PPARGC1A: variants seen among roughly 807,000 people sequenced by gnomAD.
PPARGC1A encodes PPARG coactivator 1 alpha.
Under a neutral mutation model 88.7 loss-of-function variants are expected in PPARGC1A, and 25 were observed. The ratio of observed to expected loss-of-function variants is 0.28; its 90% confidence interval spans 0.21 to 0.39. The LOEUF is 0.39. Ranked by LOEUF, PPARGC1A falls within the 10% of genes least tolerant of loss-of-function variation. The pLI, the probability that PPARGC1A is intolerant of heterozygous loss-of-function variation, is 1.00. For missense variants in PPARGC1A, 880 were observed against 968.7 expected (o/e 0.91, Z 1.22); for synonymous variants, 363 against 355.6 (o/e 1.02, Z -0.24).
intron 6 of PPARGC1A, 51 bp from the exon 7 acceptor site, chr4:23,824,404 G>A: frequency 4.4e-6 from 7 of 1,606,150 alleles, no homozygotes; most frequent in Non-Finnish European, 4.3e-6. Flanking sequence ...AGTTGCTGTA[G>A]CCAAATGTAT....
the PPARGC1A span, among the ~76,000 whole-genome samples, chr4:24,110,044 A>C: frequency 6.6e-6 from 1 of 152,100 alleles, no homozygotes. Context: ...TGAGCTCTCC[A>C]TCTTTTTACA....
chr4:24,387,091 T>G, the PPARGC1A span, among the ~76,000 whole-genome samples: 2 of 152,076 alleles, frequency 1.3e-5, no homozygotes, highest in Non-Finnish European at 2.9e-5. Context: ...ACGCCACACA[T>G]CTGACAAAAT....
chr4:24,280,088 A>G, the PPARGC1A span, among the ~76,000 whole-genome samples: 1 of 152,262 alleles, frequency 6.6e-6, no homozygotes, highest in South Asian at 2.1e-4. Flanking sequence ...CATCCCAGCC[A>G]GACACACGTC....
chr4:23,818,154 T>C (rs922316127), intron 7 of PPARGC1A, among the ~76,000 whole-genome samples: 1 of 152,150 alleles, frequency 6.6e-6, no homozygotes, highest in African/African-American at 2.4e-5. Context: ...CTCTGGATTA[T>C]TTCCTGCGTG....
the PPARGC1A span, among the ~76,000 whole-genome samples, chr4:23,954,110 T>G: frequency 3.3e-5 from 5 of 152,138 alleles, no homozygotes; most frequent in South Asian, 1.0e-3. Flanking sequence ...GCTAGCTTTA[T>G]CAACCAAGCT....
the PPARGC1A span, among the ~76,000 whole-genome samples, chr4:24,356,082 A>G: frequency 6.6e-6 from 1 of 152,044 alleles, no homozygotes; most frequent in African/African-American, 2.4e-5. Context: ...CTGTAATCCC[A>G]GCTACTCAGG....
At chr4:24,008,858 A>AT in the PPARGC1A span, among the ~76,000 whole-genome samples, 1 of 152,190 alleles carries the variant, frequency 6.6e-6, no homozygotes, top group African/African-American at 2.4e-5. Context: ...TGCTAACTGA[A>AT]GATGTTATTA....
chr4:24,328,251 GC>G, the PPARGC1A span, among the ~76,000 whole-genome samples: 44,330 of 130,668 alleles, frequency 0.34, 7,949 homozygotes, highest in Admixed American at 0.44. Context: ...GAAATTAGCA[GC>G]CCCCCCCCCA....
the PPARGC1A span, among the ~76,000 whole-genome samples, chr4:24,113,100 T>C: frequency 6.6e-6 from 1 of 152,220 alleles, no homozygotes; most frequent in Non-Finnish European, 1.5e-5. Context: ...TTTCTTTCTT[T>C]ACTTACAATG....
At chr4:24,355,097 G>A in the PPARGC1A span, among the ~76,000 whole-genome samples, 1 of 152,172 alleles carries the variant, frequency 6.6e-6, no homozygotes, top group African/African-American at 2.4e-5. Context: ...ACTTACCGCA[G>A]CTATGTTTGT....
the PPARGC1A span, among the ~76,000 whole-genome samples, chr4:24,231,995 T>C: frequency 6.6e-6 from 1 of 152,200 alleles, no homozygotes; most frequent in Non-Finnish European, 1.5e-5. Context: ...TCACACAAAA[T>C]GGTATACACT....
At chr4:23,815,256 C>T (rs1048570284) in intron 7 of PPARGC1A, among the ~76,000 whole-genome samples, 4 of 152,146 alleles carry the variant, frequency 2.6e-5, no homozygotes, top group East Asian at 1.9e-4. Flanking sequence ...TACAACTTAA[C>T]GGCAGTGATT....
At chr4:24,258,132 C>T in the PPARGC1A span, 1 of 748,126 alleles carries the variant, frequency 1.3e-6, no homozygotes, top group Non-Finnish European at 1.6e-6. Flanking sequence ...CCTGATATGG[C>T]AAGAGCAGAC....
the PPARGC1A span, among the ~76,000 whole-genome samples, chr4:24,324,238 C>T: frequency 2.3e-4 from 35 of 152,228 alleles, 1 homozygote; most frequent in South Asian, 2.7e-3. Context: ...TACCCCTTCT[C>T]TGCCTTTCCT....
chr4:23,939,467 T>C, the PPARGC1A span, among the ~76,000 whole-genome samples: 1 of 152,348 alleles, frequency 6.6e-6, no homozygotes, highest in South Asian at 2.1e-4. Context: ...CTATCTTTTA[T>C]TTCAATATAT....
the PPARGC1A span, among the ~76,000 whole-genome samples, chr4:23,952,762 TTC>T: frequency 6.6e-6 from 1 of 152,072 alleles, no homozygotes; most frequent in Non-Finnish European, 1.5e-5. Context: ...CTTTATTAGT[TTC>T]ACGCCAAGTC....
the PPARGC1A span, among the ~76,000 whole-genome samples, chr4:24,423,600 T>C: frequency 1.3e-5 from 2 of 152,228 alleles, no homozygotes; most frequent in South Asian, 2.1e-4. Context: ...TATGCTATCA[T>C]ATAAAAAGTT....
At chr4:24,019,396 T>C in the PPARGC1A span, among the ~76,000 whole-genome samples, 3 of 152,216 alleles carry the variant, frequency 2.0e-5, no homozygotes, top group African/African-American at 7.2e-5. Context: ...AACTGAGATA[T>C]AATGATTGAC....
chr4:24,156,455 AT>A, the PPARGC1A span, among the ~76,000 whole-genome samples: 1 of 151,432 alleles, frequency 6.6e-6, no homozygotes, highest in African/African-American at 2.4e-5. Context: ...AATGTATTCC[AT>A]TTTTTGGTAA....
Sources: allele counts gnomAD v4.1 joint callset (sites outside exome capture counted in the v4.1 genomes callset), GRCh38; gene constraint gnomAD v4.1.1; transcripts MANE v1.5; gene names NCBI Gene and HGNC (gene_info 2026-07-23, HGNC 2026-07-21).